The following SGCD variants were observed in gnomAD, a reference collection of about 807,000 sequenced individuals.
The protein encoded by SGCD is delta-sarcoglycan.
In SGCD, 18 loss-of-function variants were observed where a neutral mutation model predicts 36.6. That is an observed-to-expected ratio of 0.49 (90% confidence interval 0.34 to 0.73). The LOEUF (loss-of-function observed/expected upper bound fraction) is 0.73, where lower values mean the gene tolerates loss of function less well. Among genes scored for constraint, SGCD ranks in the 30% least tolerant of loss-of-function variants. SGCD has a pLI of 0.01. For synonymous variants in SGCD, 133 were observed against 130.6 expected (o/e 1.02, Z -0.12); for missense variants, 387 against 346.7 (o/e 1.12, Z -0.92).
At position 156,511,317 on chromosome 5, in the gene SGCD, C is replaced by T. The variant is rs140554792; in HGVS notation, c.294+2615C>T. 8.5e-5 allele frequency among the ~76,000 whole-genome samples: 13 copies of T among 152,346 alleles called. No individual in the cohort carries two copies. The East Asian group carries it at 2.3e-3, about 27-fold the overall frequency. ...TGAAACCTGTGCCCAAATTCATTCA[C>T]TCTTCTGCATCACACACCACACCTT... On this transcript the variant is annotated intron_variant, in intron 4 of 8. Coordinates refer to ENST00000337851, the MANE Select transcript of SGCD (RefSeq NM_000337.6).
At chr5:156,757,750 A>C in intron 8 of SGCD, 46 bp downstream of exon 8, 2 of 1,579,480 alleles carry the variant, frequency 1.3e-6, no homozygotes, top group Non-Finnish European at 1.7e-6. Flanking sequence ...CAGCTTCAAC[A>C]GGCCAACCCT....
At chr5:156,435,975 T>C (rs1373248613) in intron 3 of SGCD, among the ~76,000 whole-genome samples, 1 of 152,162 alleles carries the variant, frequency 6.6e-6, no homozygotes, top group Non-Finnish European at 1.5e-5. Flanking sequence ...GAATATTCTT[T>C]CCTCCAAGTA....
chr5:156,463,924 C>G (rs892088369), intron 3 of SGCD, among the ~76,000 whole-genome samples: 1 of 152,136 alleles, frequency 6.6e-6, no homozygotes. Context: ...CCACTGCACT[C>G]TAGCCTGAGT....
chr5:156,093,911 G>A (rs553958851), intron 1 of SGCD, among the ~76,000 whole-genome samples: 2 of 152,304 alleles, frequency 1.3e-5, no homozygotes, highest in African/African-American at 4.8e-5. Flanking sequence ...TTGGAAATGG[G>A]TTGTAAGCCC....
At chr5:156,395,765 A>G (rs1431135545) in intron 3 of SGCD, among the ~76,000 whole-genome samples, 4 of 152,168 alleles carry the variant, frequency 2.6e-5, no homozygotes, top group Admixed American at 2.0e-4. Context: ...TCAGACACAT[A>G]TATATCTGTC....
At chr5:156,377,964 T>C (rs1483365289) in intron 3 of SGCD, among the ~76,000 whole-genome samples, 1 of 152,156 alleles carries the variant, frequency 6.6e-6, no homozygotes, top group African/African-American at 2.4e-5. Context: ...CAAATATTTT[T>C]ATTTCTCCTA....
intron 3 of SGCD, among the ~76,000 whole-genome samples, chr5:156,379,248 G>T (rs916620139): frequency 6.6e-6 from 1 of 152,158 alleles, no homozygotes; most frequent in Non-Finnish European, 1.5e-5. Context: ...GGAAAAATAA[G>T]TCATAGATGG....
intron 1 of SGCD, among the ~76,000 whole-genome samples, chr5:155,964,448 C>T (rs1317494303): frequency 1.3e-5 from 2 of 152,038 alleles, no homozygotes; most frequent in Non-Finnish European, 2.9e-5. Flanking sequence ...CAGTGATTCT[C>T]CTCCCTCAGC....
intron 3 of SGCD, among the ~76,000 whole-genome samples, chr5:156,474,920 G>A (rs1748759144): frequency 6.6e-6 from 1 of 152,172 alleles, no homozygotes; most frequent in African/African-American, 2.4e-5. Flanking sequence ...TCAGACTACA[G>A]AATGGCAATA....
intron 1 of SGCD, among the ~76,000 whole-genome samples, chr5:155,939,344 C>G (rs1341539493): frequency 6.6e-6 from 1 of 151,960 alleles, no homozygotes; most frequent in East Asian, 1.9e-4. Flanking sequence ...TATTTCTCAA[C>G]TAAAAATTAA....
At chr5:156,120,548 G>A (rs994636755) in intron 2 of SGCD, among the ~76,000 whole-genome samples, 2 of 152,132 alleles carry the variant, frequency 1.3e-5, no homozygotes, top group African/African-American at 4.8e-5. Flanking sequence ...CAAAGTGCAT[G>A]GCAAAGATTA....
the SGCD span, among the ~76,000 whole-genome samples, chr5:155,838,044 A>C: frequency 2.9e-3 from 437 of 151,944 alleles, 2 homozygotes; most frequent in African/African-American, 9.3e-3. Context: ...CACAGTCTCA[A>C]CTCCTACCGA....
At chr5:156,410,227 C>T (rs1023961424) in intron 3 of SGCD, among the ~76,000 whole-genome samples, 2 of 152,190 alleles carry the variant, frequency 1.3e-5, no homozygotes, top group African/African-American at 2.4e-5. Flanking sequence ...AATGAAATCA[C>T]ATCCTTCACA....
intron 3 of SGCD, among the ~76,000 whole-genome samples, chr5:156,500,364 C>T (rs1224060845): frequency 6.6e-6 from 1 of 152,162 alleles, no homozygotes; most frequent in Non-Finnish European, 1.5e-5. Flanking sequence ...TCCCACCCCT[C>T]ATGAAGATTA....
intron 2 of SGCD, among the ~76,000 whole-genome samples, chr5:156,333,523 T>C (rs1355713114): frequency 6.6e-6 from 1 of 152,170 alleles, no homozygotes; most frequent in African/African-American, 2.4e-5. Flanking sequence ...AAGCATTTAA[T>C]ATAAGAAATG....
chr5:156,259,721 C>T (rs1363101209), intron 3 of SGCD, among the ~76,000 whole-genome samples: 3 of 151,970 alleles, frequency 2.0e-5, no homozygotes, highest in Admixed American at 6.6e-5. Flanking sequence ...TGTTCATTGG[C>T]GGTGGGGCCC....
chr5:155,872,221 T>C (rs1036141650), intron 1 of SGCD, among the ~76,000 whole-genome samples: 22 of 152,116 alleles, frequency 1.4e-4, no homozygotes, highest in Non-Finnish European at 1.3e-4. Flanking sequence ...TTAGTTTCCA[T>C]CCATACAAAG....
intron 3 of SGCD, among the ~76,000 whole-genome samples, chr5:156,193,651 C>T (rs368267532): frequency 1.3e-5 from 2 of 152,102 alleles, no homozygotes; most frequent in African/African-American, 4.8e-5. Context: ...CTCCTTTGAC[C>T]GAAAGGCCAA....
chr5:155,865,718 T>C (rs1392519279), upstream of SGCD, among the ~76,000 whole-genome samples: 1 of 152,186 alleles, frequency 6.6e-6, no homozygotes, highest in Non-Finnish European at 1.5e-5. Context: ...TTATATAATA[T>C]ATGTTTTAAA....
Sources: gnomAD v4.1 joint callset for allele counts (sites outside exome capture counted in the v4.1 genomes callset) on GRCh38, gnomAD v4.1.1 for gene constraint, MANE v1.5 for transcripts, NCBI Gene and HGNC (gene_info 2026-07-23, HGNC 2026-07-21) for gene names.